The following FHAD1 variants were observed in gnomAD, a reference collection of about 807,000 sequenced individuals.
FHAD1 encodes forkhead-associated domain-containing protein 1.
Under a neutral mutation model 191.3 loss-of-function variants are expected in FHAD1, and 146 were observed. That is an observed-to-expected ratio of 0.76 (90% CI 0.67 to 0.88). The LOEUF (loss-of-function observed/expected upper bound fraction) is 0.88, where lower values mean the gene tolerates loss of function less well. Among genes scored for constraint, FHAD1 ranks in the 40% least tolerant of loss-of-function variants. The probability of loss-of-function intolerance (pLI) is 0.00; values close to 1 mark genes in which losing one functional copy is unlikely to be tolerated. For missense variants in FHAD1, 1,635 were observed against 1,785.8 expected, an observed-to-expected ratio of 0.92 and a Z score of 1.52; for synonymous variants, 616 against 672.3, an observed-to-expected ratio of 0.92 and a Z score of 1.29.
chr1:15,281,760 CAAAAAA>C (rs35950054), intron 3 of FHAD1, among the ~76,000 whole-genome samples: 3 of 64,422 alleles, frequency 4.7e-5, no homozygotes, highest in South Asian at 6.0e-4. Context: ...GACACTGTCT[CAAAAAA>C]AAAAAAAAAA....
At chr1:15,258,985 C>A (rs940407395) in intron 2 of FHAD1, among the ~76,000 whole-genome samples, 1 of 152,192 alleles carries the variant, frequency 6.6e-6, no homozygotes, top group African/African-American at 2.4e-5. Context: ...TTTTGAGGAA[C>A]TGCCATACTG....
intron 2 of FHAD1, among the ~76,000 whole-genome samples, chr1:15,267,948 A>AT (rs1478560820): frequency 2.9e-5 from 4 of 137,620 alleles, no homozygotes; most frequent in African/African-American, 1.1e-4. Context: ...AGGAATATAA[A>AT]AAATATATAT....
At chr1:15,267,802 A>G (rs1207972204) in intron 2 of FHAD1, among the ~76,000 whole-genome samples, 1 of 147,370 alleles carries the variant, frequency 6.8e-6, no homozygotes, top group Non-Finnish European at 1.5e-5. Context: ...TATAAATGAT[A>G]TATAAATTAT....
At chr1:15,356,257 A>C (rs986886148) in intron 20 of FHAD1, among the ~76,000 whole-genome samples, 1 of 152,236 alleles carries the variant, frequency 6.6e-6, no homozygotes, top group Admixed American at 6.5e-5. Context: ...CTTCAAAAGA[A>C]TGAGTCAGTG....
chr1:15,381,169 C>T lies in FHAD1; in HGVS notation c.3802-62C>T. ...ATGAAACAGAATTAGACATTGGCCT[C>T]CTTAAAGCGGCCACCAGCGGCCGCG... On this transcript the variant is annotated intron_variant, in intron 29 of 33. Transcript: ENST00000688493. This position sits in a 1 kb window ranked among gnomAD's most constrained non-coding sequence, Gnocchi z 4.6. 8.8e-7 allele frequency: 1 copy of T among 1,135,646 alleles called. No individual in the cohort carries two copies. The highest frequency in any genetic ancestry group is 1.4e-5 in the South Asian group (1 of 71,906). 70.3% of individuals were successfully genotyped at this position (1,135,646 alleles called of 1,614,324 possible).
chr1:15,348,707 C>T (rs139088979), intron 18 of FHAD1, among the ~76,000 whole-genome samples: 9 of 152,130 alleles, frequency 5.9e-5, no homozygotes, highest in African/African-American at 2.2e-4. Flanking sequence ...CCGCTGCTCC[C>T]GGGTGCCCTG....
rs1334490614 is a variant in FHAD1, at chr1:15,329,637, G to C, written c.1906+96G>C. ...ACATCTGTTGAGGAAGTCTTCCTGG[G>C]TATCTGGCCAAGTCTATTCCCTTCT... On this transcript the variant is annotated intron_variant, in intron 14 of 33. Transcript: ENST00000688493. This position sits in a 1 kb window ranked among gnomAD's most constrained non-coding sequence, Gnocchi z 5.0. 1 of 1,188,224 alleles carries C rather than the reference G, an allele frequency of 8.4e-7. No individual in the cohort carries two copies. Among genetic ancestry groups the C allele is most frequent in the African/African-American group, 1.5e-5 (1 of 66,104 alleles). 73.6% of individuals were successfully genotyped at this position (1,188,224 alleles called of 1,614,324 possible).
chr1:15,315,500 T>G (rs926183196), intron 8 of FHAD1, among the ~76,000 whole-genome samples: 4 of 149,546 alleles, frequency 2.7e-5, no homozygotes, highest in Non-Finnish European at 5.9e-5. Flanking sequence ...TTTTTTTTTT[T>G]TTTGAGATGG....
In FHAD1 at chr1:15,329,514, G is replaced by A. The variant is rs1325148710; in HGVS notation, c.1879G>A (p.Gly627Arg). Residue 627 changes from glycine to arginine, a missense_variant, in exon 14 of 34, where the codon GGG becomes AGG. Gly to Arg is a moderately radical substitution (Grantham distance 125). Transcript: ENST00000688493. This position sits in a 1 kb window ranked among gnomAD's most constrained non-coding sequence, Gnocchi z 5.0. ...EEVEQLLRDL[G>R]ILPSSPNKGF... ...GGTGGAGCAGCTCCTCCGGGACCTCGGGATCCTGCCCTCCAGCCCCAACAA... is the reference window on the plus strand; with the variant it reads ...GGTGGAGCAGCTCCTCCGGGACCTCAGGATCCTGCCCTCCAGCCCCAACAA... The A allele has an allele frequency of 2.0e-5, 31 of 1,550,662 alleles. No homozygotes were observed. The highest frequency in any genetic ancestry group is 1.2e-4 in the East Asian group (5 of 40,900).
chr1:15,390,525 T>C (rs1703720258), intron 32 of FHAD1, among the ~76,000 whole-genome samples: 1 of 151,916 alleles, frequency 6.6e-6, no homozygotes, highest in Non-Finnish European at 1.5e-5. Context: ...CCGCCTTCTT[T>C]GACTTCCTGG....
chr1:15,251,761 C>T lies in FHAD1; in HGVS notation c.-14-10C>T. ...TTTCTAACAAAATTCTTTCTGAAAA[C>T]CTTATGTAGGGAAAACAGAGAGGAT... is the stretch of plus-strand genomic sequence containing the variant. On this transcript the variant is annotated splice_polypyrimidine_tract_variant and intron_variant, in intron 1 of 33. Transcript: ENST00000688493. The T allele has an allele frequency of 6.5e-7, 1 of 1,538,278 alleles. No individual in the cohort carries two copies. Among genetic ancestry groups the T allele is most frequent in the Non-Finnish European group, 8.8e-7 (1 of 1,141,578 alleles).
chr1:15,331,127 G>A (rs941465795), intron 14 of FHAD1, among the ~76,000 whole-genome samples: 2 of 152,104 alleles, frequency 1.3e-5, no homozygotes, highest in African/African-American at 4.8e-5. Context: ...TGATTTCTTT[G>A]CTAAAACTCA....
intron 1 of FHAD1, among the ~76,000 whole-genome samples, chr1:15,242,150 T>A (rs1645456165): frequency 6.6e-6 from 1 of 150,558 alleles, no homozygotes; most frequent in African/African-American, 2.5e-5. Context: ...GGAGAATCGC[T>A]TGAACCCGGG....
intron 17 of FHAD1, 33 bp from the exon 18 acceptor site, chr1:15,345,383 A>G (rs1002558310): frequency 6.5e-7 from 1 of 1,539,124 alleles, no homozygotes; most frequent in African/African-American, 1.4e-5. Context: ...TCCCATGGTA[A>G]CCATGTCTAT....
intron 11 of FHAD1, chr1:15,326,679 T>G (rs1678758780): frequency 6.0e-6 from 1 of 167,634 alleles, no homozygotes; most frequent in Non-Finnish European, 1.3e-5. Flanking sequence ...ACAATTTACT[T>G]GGACTGACAG....
rs1675244205 is a variant in FHAD1 at position 15,318,550 on chromosome 1, C to G, written c.1365+622C>G. 6.6e-6 allele frequency among the ~76,000 whole-genome samples: 1 copy of G among 152,122 alleles called. No homozygotes were observed. Among genetic ancestry groups the G allele is most frequent in the South Asian group, 2.1e-4 (1 of 4,824 alleles). ...TCAGGAGGCTGAGGCAGGAGAATCACTTGAACCTGGGAGGTGGAGGTTGCA... is the reference window on the plus strand; with the variant it reads ...TCAGGAGGCTGAGGCAGGAGAATCAGTTGAACCTGGGAGGTGGAGGTTGCA... On this transcript the variant is annotated intron_variant, in intron 10 of 33. Transcript: ENST00000688493. The surrounding 1 kb of genome is among the most constrained non-coding windows in gnomAD (Gnocchi z 4.1).
chr1:15,359,573 C>T (rs1694001651), intron 21 of FHAD1, among the ~76,000 whole-genome samples: 1 of 152,014 alleles, frequency 6.6e-6, no homozygotes. Flanking sequence ...TCTGGCTGAG[C>T]ACAGTGGCTC....
intron 25 of FHAD1, among the ~76,000 whole-genome samples, chr1:15,368,304 C>T (rs1308305844): frequency 2.0e-5 from 3 of 152,124 alleles, no homozygotes. Flanking sequence ...GCCCTCCCCA[C>T]GAGGACAGGG....
chr1:15,252,243 G>A (rs1034709548), intron 2 of FHAD1, among the ~76,000 whole-genome samples: 6 of 152,208 alleles, frequency 3.9e-5, no homozygotes, highest in Non-Finnish European at 8.8e-5. Flanking sequence ...CAGCCTTATC[G>A]AAGCAGCAGT....
Sources: gnomAD v4.1 joint callset for allele counts (sites outside exome capture counted in the v4.1 genomes callset) on GRCh38, gnomAD v4.1.1 for gene constraint, Gnocchi (gnomAD v3.1) non-coding constraint, MANE v1.5 for transcripts, NCBI Gene and HGNC (gene_info 2026-07-23, HGNC 2026-07-21) for gene names.